The following PTPRM variants were observed in gnomAD, a reference collection of about 807,000 sequenced individuals.
PTPRM encodes protein tyrosine phosphatase receptor type M.
In PTPRM, 47 loss-of-function variants were observed where a neutral mutation model predicts 186.7. The ratio of observed to expected loss-of-function variants is 0.25; its 90% CI spans 0.20 to 0.32. The LOEUF (loss-of-function observed/expected upper bound fraction) is 0.32, where lower values mean the gene tolerates loss of function less well. PTPRM is among the 10% of genes least tolerant of loss of function. The probability of loss-of-function intolerance (pLI) is 1.00; values close to 1 mark genes in which losing one functional copy is unlikely to be tolerated. For missense variants in PTPRM, 1,494 were observed against 1,865.0 expected, an observed-to-expected ratio of 0.80 and a Z score of 3.66; for synonymous variants, 668 against 674.9, an observed-to-expected ratio of 0.99 and a Z score of 0.16.
intron 2 of PTPRM, among the ~76,000 whole-genome samples, chr18:7,776,169 A>C (rs1190528553): frequency 2.6e-5 from 4 of 152,232 alleles, no homozygotes; most frequent in African/African-American, 7.2e-5. Flanking sequence ...TCTTCTATTG[A>C]TTAATAGAAT....
At chr18:8,172,709 AG>A (rs202125433) in intron 14 of PTPRM, among the ~76,000 whole-genome samples, 17 of 147,240 alleles carry the variant, frequency 1.2e-4, no homozygotes, top group African/African-American at 4.0e-4. Context: ...AAAAAAAAAA[AG>A]AAAAAAAAAA....
chr18:7,851,660 C>A (rs1561654), intron 2 of PTPRM, among the ~76,000 whole-genome samples: 100,473 of 151,286 alleles, frequency 0.66, 33,683 homozygotes, highest in East Asian at 0.89. Flanking sequence ...AAAACTGAGG[C>A]AATTAATTAC....
chr18:7,895,707 A>G (rs918801866), intron 3 of PTPRM, among the ~76,000 whole-genome samples: 6 of 152,166 alleles, frequency 3.9e-5, no homozygotes, highest in African/African-American at 1.4e-4. Flanking sequence ...ATACTGAGTT[A>G]ATTTTCATCT....
At chr18:8,111,648 T>C (rs966872711) in intron 11 of PTPRM, among the ~76,000 whole-genome samples, 20 of 152,262 alleles carry the variant, frequency 1.3e-4, no homozygotes, top group African/African-American at 4.8e-4. Context: ...GGAGAATCAC[T>C]TTGCAAAGAA....
Position 7,906,573 on chromosome 18 carries a change from A to G in PTPRM, c.537A>G (p.Gly179=), listed in dbSNP as rs1420233630. 6.2e-7 allele frequency: 1 copy of G among 1,609,982 alleles called. No homozygotes were observed. The highest frequency in any genetic ancestry group is 1.1e-5 in the South Asian group (1 of 91,006). ...CTATCGATGAGGTGAAGGTGTTAGGACATCCATGTAGTAAGTTGTCTTTAT... is the reference window on the plus strand; with the variant it reads ...CTATCGATGAGGTGAAGGTGTTAGGGCATCCATGTAGTAAGTTGTCTTTAT... ...YLAIDEVKVL[G]HPCTRTPHFL... The change falls in exon 4 of 33, where the codon GGA becomes GGG. Residue 179 remains glycine (G), a synonymous_variant. Transcript: ENST00000580170.
chr18:7,899,809 A>T (rs117781843), intron 3 of PTPRM, among the ~76,000 whole-genome samples: 508 of 152,032 alleles, frequency 3.3e-3, no homozygotes, highest in Non-Finnish European at 4.3e-3. Context: ...AATTTTTCTG[A>T]TATTTTGAGG....
chr18:8,084,180 G>T (rs1484516611), intron 9 of PTPRM, among the ~76,000 whole-genome samples: 1 of 152,126 alleles, frequency 6.6e-6, no homozygotes, highest in East Asian at 1.9e-4. Context: ...CACAGTGCTT[G>T]GCACATGAGA....
chr18:7,907,983 A>G (rs2050077923), intron 4 of PTPRM, among the ~76,000 whole-genome samples: 1 of 150,588 alleles, frequency 6.6e-6, no homozygotes, highest in African/African-American at 2.5e-5. Flanking sequence ...CTAGTATTTT[A>G]TGAACATTTA....
chr18:8,011,009 T>G (rs529267587), intron 7 of PTPRM, among the ~76,000 whole-genome samples: 98 of 152,274 alleles, frequency 6.4e-4, no homozygotes, highest in African/African-American at 1.9e-3. Context: ...GAGGCATTGA[T>G]GAACCCAGCC....
At chr18:8,304,917 A>G (rs1456761157) in intron 20 of PTPRM, among the ~76,000 whole-genome samples, 3 of 151,962 alleles carry the variant, frequency 2.0e-5, no homozygotes, top group African/African-American at 7.3e-5. Context: ...GGACCATTAA[A>G]GTAGTACGTA....
At chr18:8,034,054 A>G (rs2086171399) in intron 7 of PTPRM, among the ~76,000 whole-genome samples, 1 of 151,758 alleles carries the variant, frequency 6.6e-6, no homozygotes, top group African/African-American at 2.4e-5. Flanking sequence ...GTGTATCTCC[A>G]GAAAGGTACA....
At chr18:8,094,817 T>A (rs1016497807) in intron 11 of PTPRM, among the ~76,000 whole-genome samples, 1 of 152,168 alleles carries the variant, frequency 6.6e-6, no homozygotes, top group Non-Finnish European at 1.5e-5. Context: ...AATCACTCAC[T>A]TTATATATCA....
intron 1 of PTPRM, among the ~76,000 whole-genome samples, chr18:7,601,900 A>G (rs752779604): frequency 6.6e-6 from 1 of 152,142 alleles, no homozygotes; most frequent in Non-Finnish European, 1.5e-5. Context: ...AGTGCTAGGA[A>G]TTTTTCATAT....
chr18:8,042,995 T>G (rs908694839), intron 7 of PTPRM, among the ~76,000 whole-genome samples: 7 of 152,166 alleles, frequency 4.6e-5, no homozygotes, highest in South Asian at 2.1e-4. Context: ...TTATTGTGTC[T>G]GCTTCCCAGG....
intron 13 of PTPRM, among the ~76,000 whole-genome samples, chr18:8,137,113 A>T (rs1275831107): frequency 6.6e-6 from 1 of 152,134 alleles, no homozygotes; most frequent in Non-Finnish European, 1.5e-5. Context: ...TTTATTTTCT[A>T]CTTTTAGCTC....
intron 2 of PTPRM, among the ~76,000 whole-genome samples, chr18:7,811,438 G>C (rs1242664048): frequency 6.6e-6 from 1 of 152,186 alleles, no homozygotes; most frequent in Non-Finnish European, 1.5e-5. Context: ...GCTCACTGCA[G>C]CCTTGATCTC....
chr18:8,008,641 G>A (rs1319251267), intron 7 of PTPRM, among the ~76,000 whole-genome samples: 1 of 152,132 alleles, frequency 6.6e-6, no homozygotes, highest in Non-Finnish European at 1.5e-5. Context: ...TTGACTTCCT[G>A]TAGCTTTGGA....
At chr18:7,940,729 T>C (rs893499343) in intron 5 of PTPRM, among the ~76,000 whole-genome samples, 1 of 151,910 alleles carries the variant, frequency 6.6e-6, no homozygotes, top group South Asian at 2.1e-4. Context: ...CCAAAATCTA[T>C]AATCAGAAAG....
intron 19 of PTPRM, among the ~76,000 whole-genome samples, chr18:8,274,923 G>A (rs907889152): frequency 6.6e-6 from 1 of 152,104 alleles, no homozygotes; most frequent in Non-Finnish European, 1.5e-5. Context: ...TTACTAGCAG[G>A]GTTTCCCCTT....
Sources: allele counts gnomAD v4.1 joint callset (sites outside exome capture counted in the v4.1 genomes callset), GRCh38; gene constraint gnomAD v4.1.1; transcripts MANE v1.5; gene names NCBI Gene and HGNC (gene_info 2026-07-23, HGNC 2026-07-21).